The following COL28A1 variants were observed in gnomAD, a reference collection of about 807,000 sequenced individuals.
The protein encoded by COL28A1 is collagen type XXVIII alpha 1 chain, also known as collagen alpha-1(XXVIII) chain.
A neutral mutation model predicts 150.2 loss-of-function variants in COL28A1; 161 were observed. The ratio of observed to expected loss-of-function variants is 1.07; its 90% confidence interval spans 0.94 to 1.22. COL28A1 has a LOEUF of 1.22. COL28A1 is among the 50% of genes most tolerant of loss of function. COL28A1 has a pLI of 0.00. For synonymous variants in COL28A1, 552 were observed against 469.7 expected, an observed-to-expected ratio of 1.18 and a Z score of -2.26; for missense variants, 1,617 against 1,388.3, an observed-to-expected ratio of 1.16 and a Z score of -2.62.
At chr7:7,354,759 TC>T (rs1780310347), downstream of COL28A1, among the ~76,000 whole-genome samples, 1 of 152,214 alleles carries the variant, frequency 6.6e-6, no homozygotes, top group Non-Finnish European at 1.5e-5. Context: ...ATTAACTTGT[TC>T]CCTTAACCAT....
At chr7:7,344,385 TTTAG>T in the COL28A1 span, among the ~76,000 whole-genome samples, 2 of 151,956 alleles carry the variant, frequency 1.3e-5, no homozygotes, top group Non-Finnish European at 2.9e-5. Flanking sequence ...CTAATGGCTT[TTTAG>T]TTATATTTCT....
intron 9 of COL28A1, among the ~76,000 whole-genome samples, chr7:7,507,997 C>T (rs1780907937): frequency 6.6e-6 from 1 of 152,166 alleles, no homozygotes; most frequent in Admixed American, 6.5e-5. Context: ...CTTTGGGAGG[C>T]CGAGGCGGGC....
chr7:7,450,175 G>C (rs937716330), intron 18 of COL28A1, among the ~76,000 whole-genome samples: 1 of 152,124 alleles, frequency 6.6e-6, no homozygotes, highest in Admixed American at 6.5e-5. Context: ...GTGTGGTAAA[G>C]ATGGACTATT....
At chr7:7,376,432 C>T (rs1781545538) in intron 30 of COL28A1, among the ~76,000 whole-genome samples, 1 of 152,128 alleles carries the variant, frequency 6.6e-6, no homozygotes, top group Non-Finnish European at 1.5e-5. Flanking sequence ...TTTAATTTAA[C>T]TTTTTAAACT....
chr7:7,530,876 A>G (rs962095921), intron 3 of COL28A1, among the ~76,000 whole-genome samples: 6 of 152,202 alleles, frequency 3.9e-5, no homozygotes, highest in African/African-American at 1.4e-4. Flanking sequence ...AATAGGTGAG[A>G]CAGAGTCAAA....
intron 4 of COL28A1, among the ~76,000 whole-genome samples, chr7:7,522,271 T>C (rs1445007791): frequency 2.0e-5 from 3 of 152,186 alleles, no homozygotes; most frequent in Admixed American, 6.5e-5. Flanking sequence ...ACATGTATAA[T>C]ATATAGATGC....
At chr7:7,521,489 T>G (rs994832285) in intron 5 of COL28A1, among the ~76,000 whole-genome samples, 1 of 152,266 alleles carries the variant, frequency 6.6e-6, no homozygotes, top group Non-Finnish European at 1.5e-5. Flanking sequence ...GCTGCTGCAC[T>G]GCTGCATTCG....
intron 33 of COL28A1, among the ~76,000 whole-genome samples, chr7:7,369,368 ACT>A (rs571410777): frequency 3.7e-4 from 56 of 152,322 alleles, no homozygotes; most frequent in African/African-American, 1.3e-3. Context: ...ACTTATTCAT[ACT>A]CATTCATTTA....
rs1343602046 is a variant in COL28A1 at position 7,417,883 on chromosome 7, A to AG, written c.2111dup (p.Gly705TrpfsTer8). ...CTTTAATTCCCTGTGATCCATAGCC[A>AG]GGGGGGCCAGGAGGGCCAGGCAAGC... On this transcript the variant is annotated frameshift_variant, in exon 27 of 35. Transcript: ENST00000399429. LOFTEE classifies it high-confidence loss of function. The AG allele has an allele frequency of 1.2e-6, 2 of 1,613,512 alleles. No homozygotes were observed. Among genetic ancestry groups the AG allele is most frequent in the Non-Finnish European group, 1.7e-6 (2 of 1,179,708 alleles).
chr7:7,351,644 T>C (rs1282009438), downstream of COL28A1, among the ~76,000 whole-genome samples: 1 of 152,172 alleles, frequency 6.6e-6, no homozygotes, highest in Non-Finnish European at 1.5e-5. Context: ...TTAGTTCATT[T>C]AAATGAAAGA....
At chr7:7,541,724 A>G in the COL28A1 span, among the ~76,000 whole-genome samples, 2 of 152,336 alleles carry the variant, frequency 1.3e-5, no homozygotes, top group Non-Finnish European at 2.9e-5. Flanking sequence ...TTTTGGGCAG[A>G]AGAATGAGGA....
chr7:7,348,870 G>T, the COL28A1 span, among the ~76,000 whole-genome samples: 3 of 151,966 alleles, frequency 2.0e-5, no homozygotes, highest in Non-Finnish European at 4.4e-5. Flanking sequence ...AGCTTCTCCA[G>T]TAGCTAGAAC....
At position 7,456,087 on chromosome 7, in the gene COL28A1, T is replaced by TG; in HGVS notation, c.1327dup (p.Gln443ProfsTer110). 1 of 1,613,914 alleles carries TG rather than the reference T, an allele frequency of 6.2e-7. No homozygotes were observed. Among genetic ancestry groups the TG allele is most frequent in the Non-Finnish European group, 8.5e-7 (1 of 1,179,872 alleles). On this transcript the variant is annotated frameshift_variant, in exon 16 of 35. Transcript: ENST00000399429. LOFTEE classifies it high-confidence loss of function. ...GATTCCAGGGATACCCATTGGTCCTTGGGGTCCCACAGGTCCTATATCCCC... is the reference window on the plus strand; with the variant it reads ...GATTCCAGGGATACCCATTGGTCCTTGGGGGTCCCACAGGTCCTATATCCCC...
chr7:7,357,665 A>AAG (rs1780405048), downstream of COL28A1: 1 of 151,036 alleles, frequency 6.6e-6, no homozygotes. Context: ...TCTGGGGGAA[A>AAG]AAAAAAAAAA....
intron 27 of COL28A1, among the ~76,000 whole-genome samples, chr7:7,394,010 G>A (rs988174305): frequency 6.6e-6 from 1 of 151,886 alleles, no homozygotes; most frequent in Non-Finnish European, 1.5e-5. Context: ...CTAGCTCGGT[G>A]TCTGCCCAAA....
chr7:7,502,529 T>G (rs1780589993), intron 11 of COL28A1, among the ~76,000 whole-genome samples: 1 of 152,190 alleles, frequency 6.6e-6, no homozygotes, highest in South Asian at 2.1e-4. Flanking sequence ...AAAGACCATT[T>G]GTAAATTCAT....
At chr7:7,453,334 AT>A in intron 17 of COL28A1, 105 bp downstream of exon 17, 1 of 762,522 alleles carries the variant, frequency 1.3e-6, no homozygotes, top group Non-Finnish European at 2.3e-6. Flanking sequence ...GAGATCTCTG[AT>A]TTTTAAGTTC....
intron 16 of COL28A1, among the ~76,000 whole-genome samples, chr7:7,453,811 G>A (rs1462294173): frequency 2.9e-5 from 4 of 138,034 alleles, no homozygotes; most frequent in Non-Finnish European, 5.9e-5. Context: ...GAAGTGATGT[G>A]TGTAACTCCT....
chr7:7,389,798 TTTG>T (rs1240095550), intron 27 of COL28A1, among the ~76,000 whole-genome samples: 1 of 152,188 alleles, frequency 6.6e-6, no homozygotes, highest in Non-Finnish European at 1.5e-5. Flanking sequence ...GCTCTGTTTG[TTTG>T]TTATTGGTGT....
Sources: allele counts gnomAD v4.1 joint callset (sites outside exome capture counted in the v4.1 genomes callset), GRCh38; gene constraint gnomAD v4.1.1; transcripts MANE v1.5; gene names NCBI Gene and HGNC (gene_info 2026-07-23, HGNC 2026-07-21).